Variants in ZMAT4 observed in about 807,000 individuals in gnomAD.
ZMAT4 encodes the protein zinc finger matrin-type 4, also known as zinc finger matrin-type protein 4.
ZMAT4 carries 17 observed loss-of-function variants against 28.7 expected under a neutral mutation model. The observed-to-expected ratio is 0.59, with a 90% confidence interval of 0.41 to 0.89. The LOEUF is 0.89. Ranked by LOEUF, ZMAT4 falls within the 40% of genes least tolerant of loss-of-function variation. ZMAT4 has a pLI of 0.00. For synonymous variants in ZMAT4, 117 were observed against 109.2 expected (o/e 1.07, Z -0.44); for missense variants, 240 against 283.8 (o/e 0.85, Z 1.11).
chr8:40,826,917 C>T (rs1816074625), intron 1 of ZMAT4, among the ~76,000 whole-genome samples: 1 of 152,150 alleles, frequency 6.6e-6, no homozygotes, highest in South Asian at 2.1e-4. Context: ...CCACAAACTC[C>T]ACTTGTTTCA....
At chr8:40,873,526 C>G (rs1817935668) in intron 1 of ZMAT4, among the ~76,000 whole-genome samples, 1 of 152,052 alleles carries the variant, frequency 6.6e-6, no homozygotes, top group Non-Finnish European at 1.5e-5. Flanking sequence ...TGCATGGGTC[C>G]CTTGTTTTAC....
intron 2 of ZMAT4, among the ~76,000 whole-genome samples, chr8:40,807,640 G>A (rs1484221903): frequency 6.6e-6 from 1 of 152,094 alleles, no homozygotes; most frequent in Non-Finnish European, 1.5e-5. Context: ...TTGCTTTTCT[G>A]AGCAAACACA....
At chr8:40,583,868 T>C (rs1804574932) in intron 5 of ZMAT4, among the ~76,000 whole-genome samples, 1 of 152,114 alleles carries the variant, frequency 6.6e-6, no homozygotes, top group South Asian at 2.1e-4. Context: ...AAATACAGAA[T>C]TTAGTCTGGC....
intron 5 of ZMAT4, among the ~76,000 whole-genome samples, chr8:40,638,951 T>C (rs540556056): frequency 6.6e-6 from 1 of 152,374 alleles, no homozygotes; most frequent in East Asian, 1.9e-4. Context: ...TGTTAAATGA[T>C]GATACCATTA....
chr8:40,558,230 G>A (rs991523198), intron 6 of ZMAT4, among the ~76,000 whole-genome samples: 6 of 152,236 alleles, frequency 3.9e-5, no homozygotes, highest in South Asian at 4.1e-4. Flanking sequence ...CGAAGAGTCC[G>A]AATCCTCTTC....
intron 3 of ZMAT4, among the ~76,000 whole-genome samples, chr8:40,732,617 T>C (rs1345201305): frequency 6.6e-6 from 1 of 152,196 alleles, no homozygotes; most frequent in Non-Finnish European, 1.5e-5. Flanking sequence ...GGACAGTCTA[T>C]AGCTATCCAA....
At chr8:40,697,472 A>G (rs1304147126) in intron 3 of ZMAT4, 71 bp from the exon 4 acceptor site, 3 of 1,368,610 alleles carry the variant, frequency 2.2e-6, no homozygotes, top group East Asian at 2.6e-5. Context: ...AGACTTACCC[A>G]GACGAACTAG....
rs200847037 is a variant in ZMAT4 at position 40,885,688 on chromosome 8, A to T, written c.-5+11995T>A. The stretch of plus-strand genomic sequence containing the variant: ...TGTTACTCCTCAGCTCAAAAATCCC[A>T]GTGGTTCAAGGAAGCACACCCTGTC... On this transcript the variant is annotated intron_variant, in intron 1 of 6. Transcript: ENST00000297737. Among the ~76,000 whole-genome samples the T allele has an allele frequency of 1.1e-4, 17 of 152,260 alleles. No homozygotes were observed. In the East Asian group the frequency reaches 3.3e-3, roughly 29 times the overall value.
intron 3 of ZMAT4, among the ~76,000 whole-genome samples, chr8:40,706,077 A>C (rs895165851): frequency 1.3e-5 from 2 of 151,982 alleles, no homozygotes; most frequent in East Asian, 1.9e-4. Flanking sequence ...TTTTCTTTTG[A>C]GACAGAGTCT....
intron 3 of ZMAT4, among the ~76,000 whole-genome samples, chr8:40,710,287 G>A (rs567883830): frequency 2.6e-5 from 4 of 152,062 alleles, no homozygotes; most frequent in South Asian, 2.1e-4. Context: ...TGTTATTCAC[G>A]GGATATGCAC....
intron 2 of ZMAT4, among the ~76,000 whole-genome samples, chr8:40,782,350 C>T (rs1813872127): frequency 1.3e-5 from 2 of 152,136 alleles, no homozygotes; most frequent in Non-Finnish European, 2.9e-5. Context: ...CATGCCACTG[C>T]ATTCCAGCCT....
intron 1 of ZMAT4, among the ~76,000 whole-genome samples, chr8:40,864,757 C>T (rs1390735568): frequency 6.6e-6 from 1 of 152,158 alleles, no homozygotes; most frequent in African/African-American, 2.4e-5. Flanking sequence ...ATAGAGAGAG[C>T]CTCTAGCATG....
intron 1 of ZMAT4, among the ~76,000 whole-genome samples, chr8:40,893,726 C>T (rs926080214): frequency 6.6e-6 from 1 of 152,146 alleles, no homozygotes; most frequent in South Asian, 2.1e-4. Flanking sequence ...GGATAAATTA[C>T]ACGTGGCAGG....
chr8:40,555,616 G>C (rs945604993), intron 6 of ZMAT4, among the ~76,000 whole-genome samples: 3 of 152,106 alleles, frequency 2.0e-5, no homozygotes, highest in Admixed American at 2.0e-4. Context: ...ATGTCACACA[G>C]CTAATGAGTT....
At chr8:40,782,523 C>T (rs983225676) in intron 2 of ZMAT4, among the ~76,000 whole-genome samples, 17 of 152,010 alleles carry the variant, frequency 1.1e-4, no homozygotes, top group South Asian at 6.2e-4. Context: ...ACAATTTTTT[C>T]GACTTAATTA....
intron 6 of ZMAT4, among the ~76,000 whole-genome samples, chr8:40,580,131 G>A (rs1361021057): frequency 6.7e-6 from 1 of 149,598 alleles, no homozygotes; most frequent in Non-Finnish European, 1.5e-5. Context: ...TCCTGCCTCA[G>A]CCTCCTGAGT....
intron 2 of ZMAT4, among the ~76,000 whole-genome samples, chr8:40,809,565 A>G (rs1042553698): frequency 1.3e-5 from 2 of 152,226 alleles, no homozygotes; most frequent in African/African-American, 4.8e-5. Context: ...TAATGATTAA[A>G]CCTTGACAAA....
chr8:40,644,202 A>G (rs1230996825), intron 5 of ZMAT4, among the ~76,000 whole-genome samples: 1 of 152,166 alleles, frequency 6.6e-6, no homozygotes, highest in East Asian at 1.9e-4. Context: ...ATTTGATTAG[A>G]TGGAATAAAA....
At chr8:40,835,209 T>TG (rs779023097) in intron 1 of ZMAT4, among the ~76,000 whole-genome samples, 16 of 151,944 alleles carry the variant, frequency 1.1e-4, no homozygotes, top group Non-Finnish European at 2.2e-4. Context: ...GCCCATATCA[T>TG]GGGGGAAAGC....
Sources: allele counts gnomAD v4.1 joint callset (sites outside exome capture counted in the v4.1 genomes callset), GRCh38; gene constraint gnomAD v4.1.1; transcripts MANE v1.5; gene names NCBI Gene and HGNC (gene_info 2026-07-23, HGNC 2026-07-21).